The following APPL2 variants were observed in gnomAD, a reference collection of about 807,000 sequenced individuals.
APPL2 encodes the protein adaptor protein, phosphotyrosine interacting with PH domain and leucine zipper 2.
Under a neutral mutation model 92.7 loss-of-function variants are expected in APPL2, and 84 were observed. The observed-to-expected ratio is 0.91, with a 90% CI of 0.76 to 1.09. APPL2 has a LOEUF of 1.09. Among genes scored for constraint, APPL2 ranks in the 50% least tolerant of loss-of-function variants. The pLI, the probability that APPL2 is intolerant of heterozygous loss-of-function variation, is 0.00. For missense variants in APPL2, 736 were observed against 824.5 expected (o/e 0.89, Z 1.31); for synonymous variants, 291 against 291.0 (o/e 1.00, Z 0.00).
chr12:105,226,569 G>A (rs986823161), intron 2 of APPL2, among the ~76,000 whole-genome samples: 1 of 152,214 alleles, frequency 6.6e-6, no homozygotes, highest in African/African-American at 2.4e-5. Flanking sequence ...GACAGACACC[G>A]AAAGGCAGAA....
At chr12:105,186,746 T>A (rs1308966391) in intron 17 of APPL2, among the ~76,000 whole-genome samples, 1 of 138,754 alleles carries the variant, frequency 7.2e-6, no homozygotes, top group African/African-American at 2.7e-5. Flanking sequence ...CATATATATA[T>A]AAACATCTGT....
intron 17 of APPL2, among the ~76,000 whole-genome samples, chr12:105,186,735 TCA>T (rs1886762823): frequency 7.1e-6 from 1 of 141,466 alleles, no homozygotes; most frequent in Admixed American, 7.1e-5. Context: ...ATCATATATA[TCA>T]TATATATATA....
At chr12:105,221,474 C>T (rs185115488) in intron 2 of APPL2, among the ~76,000 whole-genome samples, 5 of 152,168 alleles carry the variant, frequency 3.3e-5, no homozygotes, top group African/African-American at 4.8e-5. Context: ...ATGCAGGACT[C>T]GAAATCAAAA....
chr12:105,175,796 T>C (rs1885480556), intron 20 of APPL2, among the ~76,000 whole-genome samples: 1 of 152,180 alleles, frequency 6.6e-6, no homozygotes, highest in African/African-American at 2.4e-5. Flanking sequence ...CCAACTAGTA[T>C]GCAAGCAAGA....
chr12:105,186,711 C>CAT (rs879874537), intron 17 of APPL2, among the ~76,000 whole-genome samples: 10,809 of 38,200 alleles, frequency 0.28, 1,029 homozygotes, highest in African/African-American at 0.45. Flanking sequence ...TATCATATAT[C>CAT]ATATCATATA....
intron 4 of APPL2, among the ~76,000 whole-genome samples, chr12:105,214,986 C>T (rs540668858): frequency 2.1e-4 from 32 of 152,324 alleles, no homozygotes; most frequent in African/African-American, 6.5e-4. Flanking sequence ...AGAGAGGGCA[C>T]GGAAGTTCCA....
Position 105,197,823 on chromosome 12 carries a change from C to CCAT in APPL2, c.991_993dup (p.Met331dup). 6.2e-7 allele frequency: 1 copy of CCAT among 1,614,190 alleles called. No homozygotes were observed. Among genetic ancestry groups the CCAT allele is most frequent in the Non-Finnish European group, 8.5e-7 (1 of 1,180,038 alleles). ...TAGCGCCGGTCTTCGCAATCCACGG[C>CCAT]CATCACTGAGCAGTTGTCCAGGTCC... On this transcript the variant is annotated inframe_insertion, in exon 11 of 21. Coordinates refer to ENST00000258530, the MANE Select transcript of APPL2 (RefSeq NM_018171.5).
intron 2 of APPL2, among the ~76,000 whole-genome samples, chr12:105,222,751 G>T (rs1890199817): frequency 6.6e-6 from 1 of 152,164 alleles, no homozygotes; most frequent in South Asian, 2.1e-4. Flanking sequence ...AAGGGACAAG[G>T]AAACCCCGTC....
chr12:105,220,396 T>C (rs80356375), intron 2 of APPL2, among the ~76,000 whole-genome samples: 2 of 152,212 alleles, frequency 1.3e-5, no homozygotes, highest in African/African-American at 4.8e-5. Context: ...TATAACTTTA[T>C]TTACAAAAAT....
intron 2 of APPL2, among the ~76,000 whole-genome samples, chr12:105,228,424 A>T (rs1890682919): frequency 6.6e-6 from 1 of 152,230 alleles, no homozygotes; most frequent in South Asian, 2.1e-4. Context: ...AGAGATTATT[A>T]ATGAGAAAAA....
chr12:105,196,036 T>C (rs1042258344), intron 11 of APPL2, among the ~76,000 whole-genome samples: 12 of 141,144 alleles, frequency 8.5e-5, no homozygotes, highest in African/African-American at 2.9e-4. Context: ...GCCTGGGTGA[T>C]AGGGCAAGGC....
chr12:105,190,469 T>G (rs1356318474), intron 14 of APPL2, among the ~76,000 whole-genome samples: 5 of 152,228 alleles, frequency 3.3e-5, no homozygotes, highest in Admixed American at 3.3e-4. Context: ...TATGTATTCT[T>G]GGAACATAGT....
chr12:105,235,926 G>T (rs1341771584), intron 1 of APPL2, 33 bp downstream of exon 1: 5 of 1,234,668 alleles, frequency 4.0e-6, no homozygotes, highest in Non-Finnish European at 5.1e-6. Flanking sequence ...CCTCACCCCT[G>T]CGGGCGAGGG....
intron 9 of APPL2, among the ~76,000 whole-genome samples, chr12:105,200,816 T>C (rs1888099489): frequency 6.6e-6 from 1 of 151,826 alleles, no homozygotes; most frequent in African/African-American, 2.4e-5. Context: ...ACATTCCATA[T>C]TCCCCCACTC....
intron 17 of APPL2, among the ~76,000 whole-genome samples, chr12:105,185,157 TGA>T (rs1886490135): frequency 6.6e-6 from 1 of 152,120 alleles, no homozygotes; most frequent in Non-Finnish European, 1.5e-5. Context: ...GTGCTGCCAG[TGA>T]GAATTTCAAG....
At chr12:105,232,571 C>T (rs1891001845) in intron 1 of APPL2, among the ~76,000 whole-genome samples, 1 of 151,910 alleles carries the variant, frequency 6.6e-6, no homozygotes, top group Admixed American at 6.6e-5. Context: ...TCAAGACCAC[C>T]CTGGGCAACA....
At chr12:105,233,471 TGC>T in intron 1 of APPL2, 2 of 891,182 alleles carry the variant, frequency 2.2e-6, no homozygotes, top group Non-Finnish European at 2.7e-6. Flanking sequence ...GTCAGTTAAC[TGC>T]TATTCAGCTC....
intron 5 of APPL2, 121 bp from the exon 6 acceptor site, chr12:105,208,320 G>T: frequency 8.3e-7 from 1 of 1,200,240 alleles, no homozygotes; most frequent in Non-Finnish European, 1.2e-6. Context: ...TGCACCCTCA[G>T]TCCCTGGCTC....
intron 9 of APPL2, 157 bp downstream of exon 9, chr12:105,203,546 G>A (rs2135991814): frequency 1.5e-6 from 1 of 648,488 alleles, no homozygotes; most frequent in East Asian, 2.6e-5. Context: ...ATGAATATTG[G>A]CAGCTAAGGC....
Sources: allele counts gnomAD v4.1 joint callset (sites outside exome capture counted in the v4.1 genomes callset), GRCh38; gene constraint gnomAD v4.1.1; transcripts MANE v1.5; gene names NCBI Gene and HGNC (gene_info 2026-07-23, HGNC 2026-07-21).